The following TSPAN9 variants were observed in gnomAD, a reference collection of about 807,000 sequenced individuals.
TSPAN9 encodes tetraspanin 9.
A neutral mutation model predicts 31.0 loss-of-function variants in TSPAN9; 16 were observed. The observed-to-expected ratio is 0.52, with a 90% confidence interval of 0.35 to 0.78. The LOEUF (loss-of-function observed/expected upper bound fraction) is 0.78, where lower values mean the gene tolerates loss of function less well. Among genes scored for constraint, TSPAN9 ranks in the 30% least tolerant of loss-of-function variants. The probability of loss-of-function intolerance (pLI) is 0.01; values close to 1 mark genes in which losing one functional copy is unlikely to be tolerated. For missense variants in TSPAN9, 272 were observed against 312.5 expected, an observed-to-expected ratio of 0.87 and a Z score of 0.98; for synonymous variants, 145 against 121.6, an observed-to-expected ratio of 1.19 and a Z score of -1.27.
chr12:3,253,856 G>A (rs753705026), intron 3 of TSPAN9, among the ~76,000 whole-genome samples: 16 of 152,244 alleles, frequency 1.1e-4, no homozygotes, highest in Non-Finnish European at 1.6e-4. Flanking sequence ...CCAGGCATCA[G>A]CAGCACCTGT....
chr12:3,221,515 A>C (rs2098384588), intron 3 of TSPAN9, among the ~76,000 whole-genome samples: 1 of 150,906 alleles, frequency 6.6e-6, no homozygotes, highest in South Asian at 2.1e-4. Context: ...CATGCCACCA[A>C]GCCCGTCTAA....
At chr12:3,111,521 T>TA (rs2098318670) in intron 2 of TSPAN9, among the ~76,000 whole-genome samples, 1 of 152,144 alleles carries the variant, frequency 6.6e-6, no homozygotes, top group Admixed American at 6.5e-5. Flanking sequence ...GATATGTATT[T>TA]AAAACTGCTC....
chr12:3,155,006 A>G (rs1656232766), intron 2 of TSPAN9, among the ~76,000 whole-genome samples: 1 of 152,212 alleles, frequency 6.6e-6, no homozygotes, highest in Admixed American at 6.5e-5. Flanking sequence ...AGCATTCTAC[A>G]TGGTTCTCTT....
intron 3 of TSPAN9, among the ~76,000 whole-genome samples, chr12:3,270,461 G>A (rs79607888): frequency 1.9e-3 from 292 of 152,326 alleles, no homozygotes; most frequent in African/African-American, 6.3e-3. Flanking sequence ...TTTGAAGCCC[G>A]GAACAGATTC....
chr12:3,126,036 T>C (rs769013874), intron 2 of TSPAN9, among the ~76,000 whole-genome samples: 1 of 152,162 alleles, frequency 6.6e-6, no homozygotes, highest in Non-Finnish European at 1.5e-5. Context: ...TGCTCTCCTA[T>C]AGTGGTTGAG....
intron 2 of TSPAN9, among the ~76,000 whole-genome samples, chr12:3,108,037 C>T (rs1005775934): frequency 6.6e-6 from 1 of 152,180 alleles, no homozygotes; most frequent in African/African-American, 2.4e-5. Context: ...GATGTCACCT[C>T]CCTCCACTAA....
intron 2 of TSPAN9, among the ~76,000 whole-genome samples, chr12:3,174,837 C>T (rs1462589220): frequency 6.6e-6 from 1 of 152,084 alleles, no homozygotes; most frequent in Non-Finnish European, 1.5e-5. Flanking sequence ...CCGCCTCGGC[C>T]TCCCAAAGTG....
At chr12:3,248,951 C>T (rs1862194143) in intron 3 of TSPAN9, among the ~76,000 whole-genome samples, 1 of 152,238 alleles carries the variant, frequency 6.6e-6, no homozygotes, top group African/African-American at 2.4e-5. Flanking sequence ...CCCATGCCGC[C>T]TCCCTGAGGC....
chr12:3,247,811 CTATT>C (rs2153977773), intron 3 of TSPAN9, among the ~76,000 whole-genome samples: 1 of 152,284 alleles, frequency 6.6e-6, no homozygotes, highest in East Asian at 1.9e-4. Flanking sequence ...TCCCCCTGGG[CTATT>C]TGTTTCCCAC....
chr12:3,222,075 A>G (rs2098384862), intron 3 of TSPAN9, among the ~76,000 whole-genome samples: 1 of 152,238 alleles, frequency 6.6e-6, no homozygotes, highest in African/African-American at 2.4e-5. Flanking sequence ...GTGCTCTGTT[A>G]TGAATGTATT....
intron 3 of TSPAN9, among the ~76,000 whole-genome samples, chr12:3,274,554 G>A (rs571548008): frequency 3.9e-4 from 59 of 152,342 alleles, no homozygotes; most frequent in African/African-American, 1.3e-3. Flanking sequence ...CCTGTCAGTC[G>A]GAGGTCCCCT....
intron 2 of TSPAN9, among the ~76,000 whole-genome samples, chr12:3,132,162 T>G (rs1028601471): frequency 1.3e-5 from 2 of 152,228 alleles, no homozygotes; most frequent in Admixed American, 6.5e-5. Flanking sequence ...GTTTTTCTGT[T>G]CTTCTGTTGA....
chr12:3,190,770 G>A (rs931003605), intron 2 of TSPAN9, among the ~76,000 whole-genome samples: 2 of 152,256 alleles, frequency 1.3e-5, no homozygotes, highest in Non-Finnish European at 2.9e-5. Flanking sequence ...CCTGCTCCAA[G>A]CAAAGGCTGA....
chr12:3,086,808 AT>A (rs1565570301), intron 2 of TSPAN9, among the ~76,000 whole-genome samples: 1 of 152,222 alleles, frequency 6.6e-6, no homozygotes, highest in Non-Finnish European at 1.5e-5. Flanking sequence ...AAGTGAATAT[AT>A]TATTGTACAG....
chr12:3,249,159 GCC>G (rs1862197995), intron 3 of TSPAN9, among the ~76,000 whole-genome samples: 1 of 152,136 alleles, frequency 6.6e-6, no homozygotes, highest in Admixed American at 6.5e-5. Flanking sequence ...TCTGCACAAG[GCC>G]CCACCACAGA....
intron 2 of TSPAN9, among the ~76,000 whole-genome samples, chr12:3,190,166 G>A (rs928987806): frequency 6.6e-6 from 1 of 152,230 alleles, no homozygotes; most frequent in African/African-American, 2.4e-5. Flanking sequence ...GCAGGCAGCA[G>A]CTCCTGAAAT....
At chr12:3,108,893 C>G (rs1026419449) in intron 2 of TSPAN9, among the ~76,000 whole-genome samples, 2 of 149,994 alleles carry the variant, frequency 1.3e-5, no homozygotes, top group Non-Finnish European at 1.5e-5. Context: ...ATATCATTAT[C>G]TTATTTGTCT....
chr12:3,128,760 A>T (rs79966316), intron 2 of TSPAN9, among the ~76,000 whole-genome samples: 4,250 of 152,310 alleles, frequency 0.028, 97 homozygotes, highest in South Asian at 0.063. Flanking sequence ...ATATTTTGGA[A>T]TTTTTTATTG....
intron 3 of TSPAN9, among the ~76,000 whole-genome samples, chr12:3,226,641 A>T (rs2098387266): frequency 2.0e-5 from 2 of 100,334 alleles, no homozygotes; most frequent in Non-Finnish European, 3.9e-5. Context: ...TCTTAAAAAA[A>T]TTTTATATAT....
Sources: gnomAD v4.1 joint callset for allele counts (sites outside exome capture counted in the v4.1 genomes callset) on GRCh38, gnomAD v4.1.1 for gene constraint, MANE v1.5 for transcripts, NCBI Gene and HGNC (gene_info 2026-07-23, HGNC 2026-07-21) for gene names.